CRIM1: variants seen among roughly 807,000 people sequenced by gnomAD.
CRIM1 encodes the protein cysteine-rich motor neuron 1 protein.
A neutral mutation model predicts 116.4 loss-of-function variants in CRIM1; 32 were observed. That is an observed-to-expected ratio of 0.27 (90% CI 0.21 to 0.37). The LOEUF (loss-of-function observed/expected upper bound fraction) is 0.37, where lower values mean the gene tolerates loss of function less well. CRIM1 is among the 10% of genes least tolerant of loss of function. The pLI, the probability that CRIM1 is intolerant of heterozygous loss-of-function variation, is 1.00. For missense variants in CRIM1, 1,331 were observed against 1,354.8 expected (o/e 0.98, Z 0.28); for synonymous variants, 590 against 509.2 (o/e 1.16, Z -2.13).
At chr2:36,359,419 GA>G (rs923525122) in intron 1 of CRIM1, among the ~76,000 whole-genome samples, 3 of 152,068 alleles carry the variant, frequency 2.0e-5, no homozygotes, top group Admixed American at 2.0e-4. Flanking sequence ...CTTTGTAGGG[GA>G]AAAAAATTAC....
chr2:36,356,145 G>C lies in CRIM1; in HGVS notation c.-148G>C, dbSNP rs1398101396. On this transcript the variant is annotated 5_prime_UTR_variant, in exon 1 of 17. Coordinates refer to ENST00000280527, the MANE Select transcript of CRIM1 (RefSeq NM_016441.3). This position sits in a 1 kb window ranked among gnomAD's most constrained non-coding sequence, Gnocchi z 4.3. ...AGGGGCGGGGGCCTCGCCCCGCGAG[G>C]GGAGGCGCGCCCCGGGGGCCCCGAG... is the stretch of plus-strand genomic sequence containing the variant. 4 of 179,664 alleles carry C rather than the reference G, an allele frequency of 2.2e-5. No homozygotes were observed. Among genetic ancestry groups the C allele is most frequent in the Admixed American group, 6.3e-5 (1 of 15,764 alleles). 11.1% of individuals were successfully genotyped at this position (179,664 alleles called of 1,614,324 possible).
At chr2:36,365,061 T>G (rs1169977292) in intron 1 of CRIM1, among the ~76,000 whole-genome samples, 1 of 152,072 alleles carries the variant, frequency 6.6e-6, no homozygotes, top group Non-Finnish European at 1.5e-5. Context: ...AATTCAAATG[T>G]CAGATGTTTG....
intron 1 of CRIM1, among the ~76,000 whole-genome samples, chr2:36,364,102 A>T (rs74844575): frequency 0.013 from 1,944 of 152,274 alleles, 53 homozygotes; most frequent in East Asian, 0.075. Flanking sequence ...GTTAAGTGAG[A>T]TAAAACTGTG....
intron 5 of CRIM1, among the ~76,000 whole-genome samples, chr2:36,466,660 G>A (rs1678057816): frequency 6.6e-6 from 1 of 152,194 alleles, no homozygotes; most frequent in Non-Finnish European, 1.5e-5. Context: ...GTCTGTAGTT[G>A]TTAGCCTATT....
intron 1 of CRIM1, among the ~76,000 whole-genome samples, chr2:36,358,626 C>T (rs1453008052): frequency 6.6e-6 from 1 of 152,122 alleles, no homozygotes; most frequent in Non-Finnish European, 1.5e-5. Context: ...TTTCTGGCAA[C>T]ACCCTGTGTG....
At chr2:36,515,397 A>G (rs2125117618) in intron 11 of CRIM1, among the ~76,000 whole-genome samples, 1 of 152,376 alleles carries the variant, frequency 6.6e-6, no homozygotes, top group South Asian at 2.1e-4. Flanking sequence ...ATATACGTGT[A>G]TGAAAACACA....
At chr2:36,463,483 G>A (rs1273649697) in intron 4 of CRIM1, among the ~76,000 whole-genome samples, 1 of 151,974 alleles carries the variant, frequency 6.6e-6, no homozygotes, top group African/African-American at 2.4e-5. Context: ...TCTTTTTTTA[G>A]GATGTCTTCC....
chr2:36,374,559 A>G (rs951171275), intron 1 of CRIM1, among the ~76,000 whole-genome samples: 7 of 152,000 alleles, frequency 4.6e-5, no homozygotes, highest in Non-Finnish European at 8.8e-5. Flanking sequence ...ACATTGTCCT[A>G]TGTTGCTACC....
At chr2:36,431,078 C>A (rs1488017550) in intron 2 of CRIM1, among the ~76,000 whole-genome samples, 1 of 151,832 alleles carries the variant, frequency 6.6e-6, no homozygotes, top group Admixed American at 6.6e-5. Context: ...GTGTGTGTAC[C>A]CATGCCTATG....
At chr2:36,423,075 CTTTG>C (rs987144090) in intron 2 of CRIM1, among the ~76,000 whole-genome samples, 20 of 152,154 alleles carry the variant, frequency 1.3e-4, no homozygotes, top group Non-Finnish European at 2.5e-4. Context: ...TATTTTACAG[CTTTG>C]TTTGATCTCT....
chr2:36,522,371 G>GGGCTTTC, intron 13 of CRIM1, 58 bp downstream of exon 13: 2 of 1,315,040 alleles, frequency 1.5e-6, no homozygotes, highest in Non-Finnish European at 2.2e-6. Flanking sequence ...AATCTGTATT[G>GGGCTTTC]ACAGCCATTT....
intron 5 of CRIM1, among the ~76,000 whole-genome samples, chr2:36,469,792 T>G (rs1395414345): frequency 6.6e-6 from 1 of 152,222 alleles, no homozygotes; most frequent in African/African-American, 2.4e-5. Context: ...CCACTCAGTA[T>G]GTGTTTATTG....
chr2:36,520,435 G>A (rs974136427), intron 12 of CRIM1, among the ~76,000 whole-genome samples: 2 of 152,234 alleles, frequency 1.3e-5, no homozygotes, highest in Non-Finnish European at 2.9e-5. Context: ...GTTAGCACTG[G>A]TCAGTCTCTT....
intron 2 of CRIM1, among the ~76,000 whole-genome samples, chr2:36,436,013 A>G (rs1191936061): frequency 6.6e-6 from 1 of 151,788 alleles, no homozygotes; most frequent in African/African-American, 2.4e-5. Context: ...TCTGTTAGAC[A>G]CCATAGGGAA....
intron 13 of CRIM1, among the ~76,000 whole-genome samples, chr2:36,527,110 C>T (rs1665808682): frequency 6.6e-6 from 1 of 151,670 alleles, no homozygotes; most frequent in Non-Finnish European, 1.5e-5. Context: ...GTATCTTTCT[C>T]ACTTCAGAAA....
chr2:36,404,595 G>A (rs1256239595), intron 2 of CRIM1, among the ~76,000 whole-genome samples: 6 of 152,186 alleles, frequency 3.9e-5, no homozygotes, highest in Admixed American at 3.3e-4. Context: ...CTACACCTCA[G>A]ATTCACTAGG....
At chr2:36,439,304 A>C (rs965000600) in intron 2 of CRIM1, among the ~76,000 whole-genome samples, 4 of 151,792 alleles carry the variant, frequency 2.6e-5, no homozygotes, top group Non-Finnish European at 5.9e-5. Context: ...TGCCTTTCCA[A>C]CCTCCTCCCA....
rs192377424 is a variant in CRIM1, at chr2:36,447,718, A to G, written c.869+4983A>G. Among the ~76,000 whole-genome samples the G allele has an allele frequency of 8.3e-3, 1,263 of 152,190 alleles. 48 individuals are homozygous for G. The East Asian group carries it at 0.092, about 11-fold the overall frequency. On this transcript the variant is annotated intron_variant, in intron 4 of 16. Coordinates refer to ENST00000280527, the MANE Select transcript of CRIM1 (RefSeq NM_016441.3). ...TTCAAAGGTTTGGAAAGTAGGTTCC[A>G]CTTCTTGATGAGATAAGCCACAAAG...
intron 4 of CRIM1, among the ~76,000 whole-genome samples, chr2:36,449,604 C>T (rs759952279): frequency 1.3e-5 from 2 of 152,200 alleles, no homozygotes; most frequent in Middle Eastern, 3.4e-3. Context: ...GTTTTCCAGT[C>T]GAAGAAAGGA....
Sources: allele counts gnomAD v4.1 joint callset (sites outside exome capture counted in the v4.1 genomes callset), GRCh38; gene constraint gnomAD v4.1.1; non-coding constraint Gnocchi (gnomAD v3.1); transcripts MANE v1.5; gene names NCBI Gene and HGNC (gene_info 2026-07-23, HGNC 2026-07-21).